Variants in TCF4 observed in about 807,000 individuals in gnomAD.
The protein encoded by TCF4 is transcription factor 4.
In TCF4, 3 loss-of-function variants were observed where a neutral mutation model predicts 82.1. The ratio of observed to expected loss-of-function variants is 0.04; its 90% CI spans 0.02 to 0.09. The LOEUF is 0.09. TCF4 is among the 10% of genes least tolerant of loss of function. TCF4 has a pLI of 1.00. For missense variants in TCF4, 518 were observed against 852.7 expected (o/e 0.61, Z 4.89); for synonymous variants, 276 against 309.6 (o/e 0.89, Z 1.14).
chr18:55,416,948 A>T (rs1417543767), intron 5 of TCF4, among the ~76,000 whole-genome samples: 2 of 152,164 alleles, frequency 1.3e-5, no homozygotes, highest in African/African-American at 2.4e-5. Context: ...TGGAGCTGAG[A>T]GTGAAATGCA....
At chr18:55,501,313 C>T (rs1049661745) in intron 3 of TCF4, among the ~76,000 whole-genome samples, 3 of 152,040 alleles carry the variant, frequency 2.0e-5, no homozygotes, top group Admixed American at 6.5e-5. Context: ...TATGATTATA[C>T]TGCATTCGGA....
At chr18:55,496,958 G>C (rs1568229567) in intron 3 of TCF4, among the ~76,000 whole-genome samples, 2 of 148,556 alleles carry the variant, frequency 1.3e-5, no homozygotes, top group South Asian at 4.2e-4. Flanking sequence ...CCATTTCCAA[G>C]TTTAAATTTA....
intron 5 of TCF4, among the ~76,000 whole-genome samples, chr18:55,424,780 C>T (rs937814443): frequency 6.6e-6 from 1 of 152,098 alleles, no homozygotes; most frequent in African/African-American, 2.4e-5. Context: ...TCTTTTGATA[C>T]AGTACAAATA....
chr18:55,457,572 G>A (rs534979501), intron 5 of TCF4, among the ~76,000 whole-genome samples: 35 of 152,164 alleles, frequency 2.3e-4, no homozygotes, highest in Admixed American at 1.3e-3. Flanking sequence ...TGCAACCTCC[G>A]CCCCCTGAGC....
chr18:55,545,600 C>G (rs1228516310), intron 3 of TCF4, among the ~76,000 whole-genome samples: 1 of 152,132 alleles, frequency 6.6e-6, no homozygotes, highest in Non-Finnish European at 1.5e-5. Flanking sequence ...AGGTGCCCAC[C>G]ACCACACCTG....
At chr18:55,374,600 A>G (rs1289596864) in intron 6 of TCF4, among the ~76,000 whole-genome samples, 1 of 152,050 alleles carries the variant, frequency 6.6e-6, no homozygotes, top group Non-Finnish European at 1.5e-5. Context: ...TAAAAAATCC[A>G]GTTCTGAAGT....
At chr18:55,309,508 C>T (rs190267387) in intron 8 of TCF4, among the ~76,000 whole-genome samples, 33 of 152,294 alleles carry the variant, frequency 2.2e-4, no homozygotes, top group African/African-American at 7.7e-4. Context: ...ATGATGACTC[C>T]TGCATCACCT....
At chr18:55,452,610 T>A (rs542481477) in intron 5 of TCF4, 1 of 152,702 alleles carries the variant, frequency 6.5e-6, no homozygotes, top group East Asian at 1.9e-4. Flanking sequence ...GAGTGGTTGG[T>A]GGCTGGAGCT....
At chr18:55,561,788 A>G (rs1356825453) in intron 3 of TCF4, among the ~76,000 whole-genome samples, 1 of 152,242 alleles carries the variant, frequency 6.6e-6, no homozygotes, top group Non-Finnish European at 1.5e-5. Context: ...CCCTCATACA[A>G]GAAAACTGTC....
chr18:55,310,714 C>T (rs2072090769), intron 8 of TCF4, among the ~76,000 whole-genome samples: 1 of 152,180 alleles, frequency 6.6e-6, no homozygotes, highest in African/African-American at 2.4e-5. Flanking sequence ...TTCTTGATAA[C>T]AGACGATATG....
rs2046622591 is a variant in TCF4 at position 55,226,560 on chromosome 18, C to G, written c.*1475G>C. The G allele has an allele frequency of 6.6e-6, 1 of 152,508 alleles. No individual in the cohort carries two copies. The highest frequency in any genetic ancestry group is 2.4e-5 in the African/African-American group (1 of 41,420). 9.4% of individuals were successfully genotyped at this position (152,508 alleles called of 1,614,324 possible). On this transcript the variant is annotated 3_prime_UTR_variant, in exon 20 of 20. Coordinates refer to ENST00000354452, the MANE Select transcript of TCF4 (RefSeq NM_001083962.2). ...CTGGCCAGAGAAATACTGCACTACC[C>G]CTCCTCAAAAAAGTGCAACTTAATG...
At chr18:55,470,266 C>T (rs1046136915) in intron 3 of TCF4, among the ~76,000 whole-genome samples, 2 of 152,150 alleles carry the variant, frequency 1.3e-5, no homozygotes, top group East Asian at 1.9e-4. Flanking sequence ...TAATAATACC[C>T]TCCAATATCT....
intron 8 of TCF4, among the ~76,000 whole-genome samples, chr18:55,347,606 A>G (rs1053470359): frequency 3.3e-5 from 5 of 152,194 alleles, no homozygotes; most frequent in African/African-American, 1.2e-4. Flanking sequence ...TTTTCAAAAC[A>G]GGGCTAGGCA....
At chr18:55,585,500 A>G in intron 2 of TCF4, 148 bp from the exon 3 acceptor site, 1 of 782,440 alleles carries the variant, frequency 1.3e-6, no homozygotes, top group Non-Finnish European at 2.1e-6. Flanking sequence ...ACTTAAAACT[A>G]AAAGAGAAAC....
chr18:55,428,758 A>G (rs998097506), intron 5 of TCF4, among the ~76,000 whole-genome samples: 8 of 152,216 alleles, frequency 5.3e-5, no homozygotes, highest in Non-Finnish European at 1.5e-5. Context: ...CAGGCTACAT[A>G]GCTCAAAATT....
At chr18:55,551,221 A>C (rs2097257947) in intron 3 of TCF4, 2 of 152,350 alleles carry the variant, frequency 1.3e-5, no homozygotes, top group African/African-American at 4.8e-5. Context: ...CTGGGATTAC[A>C]GGCGTGAGTC....
chr18:55,371,940 T>C (rs2089339884), intron 6 of TCF4, among the ~76,000 whole-genome samples: 1 of 152,130 alleles, frequency 6.6e-6, no homozygotes. Flanking sequence ...GAGAAATAAA[T>C]GAAAGAATAA....
chr18:55,514,404 T>TGC (rs2096858667), intron 3 of TCF4, among the ~76,000 whole-genome samples: 1 of 71,056 alleles, frequency 1.4e-5, no homozygotes, highest in Non-Finnish European at 2.7e-5. Context: ...CATCTATCCA[T>TGC]GCACACACAC....
intron 2 of TCF4, among the ~76,000 whole-genome samples, chr18:55,607,106 G>A (rs1176898519): frequency 6.6e-6 from 1 of 152,040 alleles, no homozygotes; most frequent in Non-Finnish European, 1.5e-5. Flanking sequence ...CATTGTTGGG[G>A]GATGTGATAA....
Sources: allele counts gnomAD v4.1 joint callset (sites outside exome capture counted in the v4.1 genomes callset), GRCh38; gene constraint gnomAD v4.1.1; transcripts MANE v1.5; gene names NCBI Gene and HGNC (gene_info 2026-07-23, HGNC 2026-07-21).